The following SOS2 variants were observed in gnomAD, a reference collection of about 807,000 sequenced individuals.
The protein encoded by SOS2 is son of sevenless homolog 2.
Under a neutral mutation model 148.2 loss-of-function variants are expected in SOS2, and 65 were observed. That is an observed-to-expected ratio of 0.44 (90% CI 0.36 to 0.54). SOS2 has a LOEUF of 0.54. Among genes scored for constraint, SOS2 ranks in the 20% least tolerant of loss-of-function variants. The pLI is 0.00. For synonymous variants in SOS2, 539 were observed against 537.1 expected (o/e 1.00, Z -0.05); for missense variants, 1,341 against 1,590.2 (o/e 0.84, Z 2.67).
chr14:50,127,739 C>T (rs1182955708), intron 21 of SOS2, among the ~76,000 whole-genome samples: 1 of 152,164 alleles, frequency 6.6e-6, no homozygotes, highest in Non-Finnish European at 1.5e-5. Flanking sequence ...ACTGTAGGAT[C>T]ATTGAGAGAA....
In SOS2 at chr14:50,159,647, T is replaced by C. The variant is rs1413502117; in HGVS notation, c.1636A>G (p.Ser546Gly). 1.2e-6 allele frequency: 2 copies of C among 1,613,850 alleles called. No homozygotes were observed. Residue 546 changes from serine (S) to glycine (G), a missense_variant, in exon 10 of 23, where the codon AGT becomes GGT. Ser to Gly is a moderately conservative substitution (Grantham distance 56). This residue lies in a region of SOS2 where 574 missense variants were observed against 711.1 expected (regional missense o/e 0.81). Transcript: ENST00000216373. ...MAALISLHYR[S>G]TLDRMLDSVL... ...GAATCTAACATTCGATCTAGAGTAC[T>C]ACGATAATGAAGAGAAATAAGGGCT...
Position 50,231,309 on chromosome 14 carries a change from C to CG in SOS2, c.-27dup. On this transcript the variant is annotated 5_prime_UTR_variant, in exon 1 of 23. Coordinates refer to ENST00000216373, the MANE Select transcript of SOS2 (RefSeq NM_006939.4). ...GGCCCCGGCGACAGCGCCTCCGCAT[C>CG]GGGGGCAGCCCGCGGGCCGGGCCGG... is the stretch of plus-strand genomic sequence containing the variant. 1 of 1,343,812 alleles carries CG rather than the reference C, an allele frequency of 7.4e-7. No individual in the cohort carries two copies. The highest frequency in any genetic ancestry group is 9.8e-7 in the Non-Finnish European group (1 of 1,018,696). The allele number at this position is 1,343,812 out of a possible 1,614,324, so 83.2% of individuals were successfully genotyped here.
At chr14:50,187,121 T>G (rs911353486) in intron 5 of SOS2, among the ~76,000 whole-genome samples, 3 of 151,620 alleles carry the variant, frequency 2.0e-5, no homozygotes, top group Non-Finnish European at 2.9e-5. Flanking sequence ...AGCAAATCTC[T>G]CACTTCAGCC....
chr14:50,224,314 TACACACAC>T (rs71118856), intron 1 of SOS2, among the ~76,000 whole-genome samples: 24,287 of 100,734 alleles, frequency 0.24, 3,705 homozygotes, highest in South Asian at 0.31. Context: ...AATATATATA[TACACACAC>T]ACACACACAC....
rs563704423 is a variant in SOS2, at chr14:50,173,747, T to G, written c.1068+707A>C. ...TAGTCAGCTTTTATCCACAAATAGA[T>G]GAGCAACTTCATTGTGTAAGTCTCC... On this transcript the variant is annotated intron_variant, in intron 8 of 22. Transcript: ENST00000216373. Among the ~76,000 whole-genome samples the G allele has an allele frequency of 1.6e-4, 25 of 152,258 alleles. 2 individuals are homozygous for G. In the South Asian group the frequency reaches 4.8e-3, roughly 29 times the overall value.
At chr14:50,173,060 T>A (rs1885418523) in intron 8 of SOS2, among the ~76,000 whole-genome samples, 1 of 152,138 alleles carries the variant, frequency 6.6e-6, no homozygotes, top group Non-Finnish European at 1.5e-5. Context: ...GGCCTTGAAC[T>A]CCTGACCTCA....
chr14:50,160,122 T>C (rs1236804678), intron 9 of SOS2, 36 bp from the exon 10 acceptor site: 2 of 1,496,640 alleles, frequency 1.3e-6, no homozygotes, highest in Non-Finnish European at 1.8e-6. Context: ...ATTCAACAGC[T>C]AGCAACCCAA....
chr14:50,184,150 C>T (rs1885835427), intron 5 of SOS2, among the ~76,000 whole-genome samples: 1 of 152,140 alleles, frequency 6.6e-6, no homozygotes, highest in South Asian at 2.1e-4. Context: ...AGTCTTATCA[C>T]TGACTAAAAC....
In SOS2 at chr14:50,159,546, G is replaced by A; in HGVS notation, c.1737C>T (p.Asp579=). 6.2e-7 allele frequency: 1 copy of A among 1,613,612 alleles called. No homozygotes were observed. ...CTTCAAAAACAATGTTTTCCTCAGAGTCTTTTACTACAAAACGATATACTT... is the reference window on the plus strand; with the variant it reads ...CTTCAAAAACAATGTTTTCCTCAGAATCTTTTACTACAAAACGATATACTT... ...SPEVYRFVVK[D]SEENIVFEDN... The change falls in exon 10 of 23, where the codon GAC becomes GAT. Residue 579 remains aspartate (D), a synonymous_variant. Transcript: ENST00000216373.
chr14:50,177,715 G>A (rs1431805785), intron 7 of SOS2, among the ~76,000 whole-genome samples: 1 of 152,058 alleles, frequency 6.6e-6, no homozygotes, highest in Non-Finnish European at 1.5e-5. Flanking sequence ...AGTATAATTT[G>A]TATTCCATGA....
chr14:50,131,168 C>G (rs1358587917), intron 19 of SOS2, among the ~76,000 whole-genome samples: 1 of 151,958 alleles, frequency 6.6e-6, no homozygotes, highest in Non-Finnish European at 1.5e-5. Flanking sequence ...TTTCCCCTTC[C>G]TATACTAAAT....
At chr14:50,230,980 G>T (rs1470166312) in intron 1 of SOS2, 32 of 893,320 alleles carry the variant, frequency 3.6e-5, no homozygotes, top group Non-Finnish European at 4.6e-5. Flanking sequence ...CCAGTTTTAT[G>T]ATCATAACAA....
chr14:50,138,001 G>A (rs763539568), intron 18 of SOS2, among the ~76,000 whole-genome samples: 3 of 150,306 alleles, frequency 2.0e-5, no homozygotes, highest in East Asian at 2.0e-4. Context: ...CACCATGCCC[G>A]GCTAATTTTT....
At chr14:50,139,777 GTCT>G (rs1831076273) in intron 17 of SOS2, among the ~76,000 whole-genome samples, 162 bp downstream of exon 17, 1 of 152,040 alleles carries the variant, frequency 6.6e-6, no homozygotes, top group African/African-American at 2.4e-5. Context: ...AGATATTATA[GTCT>G]TCATTTTATA....
intron 4 of SOS2, among the ~76,000 whole-genome samples, chr14:50,197,138 C>T (rs1886335742): frequency 6.6e-6 from 1 of 152,152 alleles, no homozygotes; most frequent in African/African-American, 2.4e-5. Flanking sequence ...CAGGCATGAG[C>T]CACGGTGCCT....
chr14:50,120,244 G>C (rs562113490), intron 22 of SOS2, 31 bp downstream of exon 22: 1 of 964,850 alleles, frequency 1.0e-6, no homozygotes, highest in Non-Finnish European at 1.7e-6. Context: ...TCACAACTTT[G>C]AATAAGTTGG....
intron 7 of SOS2, among the ~76,000 whole-genome samples, chr14:50,178,664 GTGTGTGCATATATATATATATATATA>G (rs1250833427): frequency 1.3e-4 from 2 of 15,824 alleles, no homozygotes; most frequent in Non-Finnish European, 2.7e-4. Context: ...GTGTGTGTGT[GTGTGTGCATATATATATATATATATA>G]TATATATATA....
intron 1 of SOS2, among the ~76,000 whole-genome samples, chr14:50,214,626 A>G (rs1397132529): frequency 1.3e-5 from 2 of 151,716 alleles, no homozygotes; most frequent in Admixed American, 1.3e-4. Context: ...TCCAAACATA[A>G]TGAGACTCCA....
Position 50,159,890 on chromosome 14 carries a change from A to C in SOS2, c.1393T>G (p.Leu465Val). 1 of 1,614,172 alleles carries C rather than the reference A, an allele frequency of 6.2e-7. No individual in the cohort carries two copies. Among genetic ancestry groups the C allele is most frequent in the Non-Finnish European group, 8.5e-7 (1 of 1,180,026 alleles). ...HERHIFLFDG[L>V]MISCKPNHGQ... ...TGATTAGGTTTACAACTGATCATTAAGCCATCAAACAGAAAAATATGCCGT... is the reference window on the plus strand; with the variant it reads ...TGATTAGGTTTACAACTGATCATTACGCCATCAAACAGAAAAATATGCCGT... The change falls in exon 10 of 23, where the codon TTA becomes GTA. Residue 465 changes from leucine (L) to valine (V), a missense_variant. Physicochemically the swap from Leu to Val is conservative, Grantham distance 32. Coordinates refer to ENST00000216373, the MANE Select transcript of SOS2 (RefSeq NM_006939.4).
Sources: gnomAD v4.1 joint callset for allele counts (sites outside exome capture counted in the v4.1 genomes callset) on GRCh38, gnomAD v4.1.1 for gene constraint, gnomAD v4.1.1 regional missense constraint, MANE v1.5 for transcripts, NCBI Gene and HGNC (gene_info 2026-07-23, HGNC 2026-07-21) for gene names.